PBX1: variants seen among roughly 807,000 people sequenced by gnomAD.
The protein encoded by PBX1 is PBX homeobox 1, also known as pre-B-cell leukemia transcription factor 1.
PBX1 carries 6 observed loss-of-function variants against 53.4 expected under a neutral mutation model. The observed-to-expected ratio is 0.11, with a 90% CI of 0.06 to 0.22. The LOEUF is 0.22. Among genes scored for constraint, PBX1 ranks in the 10% least tolerant of loss-of-function variants. The probability of loss-of-function intolerance (pLI) is 1.00; values close to 1 mark genes in which losing one functional copy is unlikely to be tolerated. For missense variants in PBX1, 251 were observed against 551.4 expected, an observed-to-expected ratio of 0.46 and a Z score of 5.46; for synonymous variants, 204 against 212.3, an observed-to-expected ratio of 0.96 and a Z score of 0.34.
chr1:164,630,392 G>A (rs1211691652), intron 2 of PBX1, among the ~76,000 whole-genome samples: 1 of 152,098 alleles, frequency 6.6e-6, no homozygotes, highest in African/African-American at 2.4e-5. Context: ...CAACTTGTAG[G>A]GGTGGTGTGG....
intron 2 of PBX1, among the ~76,000 whole-genome samples, chr1:164,695,623 T>C (rs1435196807): frequency 6.6e-6 from 1 of 152,228 alleles, no homozygotes; most frequent in Non-Finnish European, 1.5e-5. Flanking sequence ...AATTACATGG[T>C]GTTTTTAGCA....
intron 2 of PBX1, among the ~76,000 whole-genome samples, chr1:164,612,959 G>C (rs1429664458): frequency 1.3e-5 from 2 of 152,044 alleles, no homozygotes; most frequent in Non-Finnish European, 1.5e-5. Context: ...TACCTCCCAG[G>C]GTTATTGGGC....
chr1:164,681,528 A>C lies in PBX1; in HGVS notation c.266-110966A>C, dbSNP rs2101997705. ...TAGAGATACAACTGTTCAAAGATACATCATCACAGCTGATTGTCAGGCCTA... is the reference window on the plus strand; with the variant it reads ...TAGAGATACAACTGTTCAAAGATACCTCATCACAGCTGATTGTCAGGCCTA... On this transcript the variant is annotated intron_variant, in intron 2 of 8. Coordinates refer to ENST00000420696, the MANE Select transcript of PBX1 (RefSeq NM_002585.4). 2.0e-5 allele frequency among the ~76,000 whole-genome samples: 3 copies of C among 152,340 alleles called. 1 individual carries two copies. In the Middle Eastern group the frequency reaches 0.01, roughly 518 times the overall value.
At chr1:164,762,881 T>C (rs1571356823) in intron 2 of PBX1, among the ~76,000 whole-genome samples, 1 of 152,250 alleles carries the variant, frequency 6.6e-6, no homozygotes, top group East Asian at 1.9e-4. Context: ...AGTTTTCATT[T>C]GTCAATCATT....
At chr1:164,620,944 A>C (rs1657631330) in intron 2 of PBX1, among the ~76,000 whole-genome samples, 1 of 151,978 alleles carries the variant, frequency 6.6e-6, no homozygotes, top group Non-Finnish European at 1.5e-5. Flanking sequence ...CAGCCTCCCA[A>C]AGTGCTGGGG....
chr1:164,844,731 G>C (rs986916403), intron 8 of PBX1, among the ~76,000 whole-genome samples: 4 of 152,162 alleles, frequency 2.6e-5, no homozygotes, highest in Non-Finnish European at 5.9e-5. Flanking sequence ...GTTGGGATGG[G>C]AGGCTACAAT....
At chr1:164,592,938 A>G (rs1162104485) in intron 2 of PBX1, among the ~76,000 whole-genome samples, 5 of 151,774 alleles carry the variant, frequency 3.3e-5, no homozygotes, top group African/African-American at 1.2e-4. Context: ...ATTTGTATGT[A>G]GCACACAATC....
intron 2 of PBX1, among the ~76,000 whole-genome samples, chr1:164,599,063 T>G (rs745786109): frequency 8.2e-6 from 1 of 121,382 alleles, no homozygotes; most frequent in African/African-American, 3.1e-5. Context: ...GTCTCTTTTT[T>G]CCTCCTGATT....
chr1:164,761,539 G>A (rs979372896), intron 2 of PBX1, among the ~76,000 whole-genome samples: 19 of 151,994 alleles, frequency 1.3e-4, no homozygotes, highest in Admixed American at 1.2e-3. Flanking sequence ...CCGCCTCCCA[G>A]GTTCACGCCA....
chr1:164,647,724 A>AAATT (rs1196859512), intron 2 of PBX1, among the ~76,000 whole-genome samples: 1 of 151,960 alleles, frequency 6.6e-6, no homozygotes, highest in Admixed American at 6.5e-5. Context: ...TTTAAAAAAT[A>AAATT]TTACTGGTGC....
intron 8 of PBX1, among the ~76,000 whole-genome samples, chr1:164,838,154 G>A (rs989885168): frequency 6.6e-6 from 1 of 152,090 alleles, no homozygotes; most frequent in Non-Finnish European, 1.5e-5. Flanking sequence ...TAGCAGTTAG[G>A]GTGCATGCAA....
At chr1:164,597,228 G>T in intron 2 of PBX1, among the ~76,000 whole-genome samples, 1 of 152,218 alleles carries the variant, frequency 6.6e-6, no homozygotes, top group East Asian at 1.9e-4. Context: ...TGTACAACCA[G>T]TTACCTCACT....
At chr1:164,875,975 ATTTGGTG>A (rs1317686067) in intron 2 of PBX1, among the ~76,000 whole-genome samples, 1 of 31,154 alleles carries the variant, frequency 3.2e-5, no homozygotes, top group Admixed American at 7.8e-4. Context: ...ACCTATATAT[ATTTGGTG>A]TATGTGTATA....
At chr1:164,584,319 T>C (rs1031097859) in intron 2 of PBX1, among the ~76,000 whole-genome samples, 1 of 150,126 alleles carries the variant, frequency 6.7e-6, no homozygotes, top group Non-Finnish European at 1.5e-5. Flanking sequence ...CTGGACAGCA[T>C]AGTCAGACTC....
At chr1:164,696,205 A>C (rs1237481319) in intron 2 of PBX1, among the ~76,000 whole-genome samples, 1 of 152,214 alleles carries the variant, frequency 6.6e-6, no homozygotes. Flanking sequence ...GCCAGGAGAC[A>C]AAAGGATCTG....
At chr1:164,593,494 T>C in intron 2 of PBX1, among the ~76,000 whole-genome samples, 1 of 152,182 alleles carries the variant, frequency 6.6e-6, no homozygotes, top group East Asian at 1.9e-4. Flanking sequence ...AATCAGAGAG[T>C]CCTGGTTGTA....
chr1:164,722,050 C>T (rs147849765), intron 2 of PBX1, among the ~76,000 whole-genome samples: 22 of 152,314 alleles, frequency 1.4e-4, no homozygotes, highest in African/African-American at 5.1e-4. Flanking sequence ...ATCTTACCCC[C>T]TGACCGACTC....
chr1:164,768,231 A>G (rs887105382), intron 2 of PBX1, among the ~76,000 whole-genome samples: 5 of 152,220 alleles, frequency 3.3e-5, no homozygotes, highest in African/African-American at 1.2e-4. Flanking sequence ...TGAGGAAACA[A>G]GCTCTGAGAT....
intron 2 of PBX1, among the ~76,000 whole-genome samples, chr1:164,585,081 A>G (rs924753782): frequency 6.6e-6 from 1 of 152,234 alleles, no homozygotes; most frequent in East Asian, 1.9e-4. Flanking sequence ...AATTAATTTG[A>G]CATCAATGAA....
Sources: gnomAD v4.1 joint callset for allele counts (sites outside exome capture counted in the v4.1 genomes callset) on GRCh38, gnomAD v4.1.1 for gene constraint, MANE v1.5 for transcripts, NCBI Gene and HGNC (gene_info 2026-07-23, HGNC 2026-07-21) for gene names.